JKAMP: variants seen among roughly 807,000 people sequenced by gnomAD.
JKAMP encodes JNK1/MAPK8-associated membrane protein.
A neutral mutation model predicts 40.2 loss-of-function variants in JKAMP; 20 were observed. That is an observed-to-expected ratio of 0.50 (90% CI 0.35 to 0.72). JKAMP has a LOEUF of 0.72. Ranked by LOEUF, JKAMP falls within the 30% of genes least tolerant of loss-of-function variation. The probability of loss-of-function intolerance (pLI) is 0.01; values close to 1 mark genes in which losing one functional copy is unlikely to be tolerated. For synonymous variants in JKAMP, 138 were observed against 131.6 expected (o/e 1.05, Z -0.33); for missense variants, 276 against 373.0 (o/e 0.74, Z 2.14).
intron 1 of JKAMP, chr14:59,484,844 C>T: frequency 1.9e-6 from 2 of 1,054,404 alleles, no homozygotes; most frequent in Non-Finnish European, 2.7e-6. Flanking sequence ...TCCGAAATGT[C>T]TCTTCAGTCC....
intron 6 of JKAMP, among the ~76,000 whole-genome samples, chr14:59,502,773 T>TTGTTTTTTTTTTTTTTTTTTTTTTG (rs796697193): frequency 9.7e-6 from 1 of 102,850 alleles, no homozygotes; most frequent in Admixed American, 1.2e-4. Flanking sequence ...TTTTTTTTTT[T>TTGTTTTTTTTTTTTTTTTTTTTTTG]CGGAGTCTCA....
rs1317326410 is a variant in JKAMP at position 59,484,553 on chromosome 14, G to T, written c.-37G>T. 2.6e-6 allele frequency: 4 copies of T among 1,566,858 alleles called. No individual in the cohort carries two copies. The highest frequency in any genetic ancestry group is 2.7e-5 in the African/African-American group (2 of 73,478). On this transcript the variant is annotated 5_prime_UTR_variant, in exon 1 of 7. Transcript: ENST00000616435. Reference sequence around the variant, plus strand: ...GTTCGGTGCAGCTGCCAGATCCGCTGATCTAGTGCTTCTCGAAAAAAACCT... The same window carrying T: ...GTTCGGTGCAGCTGCCAGATCCGCTTATCTAGTGCTTCTCGAAAAAAACCT...
At chr14:59,494,511 T>G (rs1323316973) in intron 3 of JKAMP, among the ~76,000 whole-genome samples, 4 of 152,200 alleles carry the variant, frequency 2.6e-5, no homozygotes, top group Non-Finnish European at 5.9e-5. Flanking sequence ...AGAATAGTTG[T>G]GAAGCAGAAA....
intron 2 of JKAMP, chr14:59,487,400 C>G (rs1235241855): frequency 4.0e-6 from 1 of 249,846 alleles, no homozygotes; most frequent in Non-Finnish European, 7.6e-6. Flanking sequence ...TGCAGTTATT[C>G]TTATATAATG....
intron 4 of JKAMP, among the ~76,000 whole-genome samples, chr14:59,496,056 A>G (rs148740891): frequency 0.013 from 1,952 of 152,248 alleles, 185 homozygotes; most frequent in Admixed American, 0.12. Context: ...GGCATGTGCC[A>G]CTATGCCTGG....
intron 3 of JKAMP, among the ~76,000 whole-genome samples, chr14:59,488,038 C>T (rs551311791): frequency 1.9e-4 from 29 of 152,236 alleles, no homozygotes; most frequent in Non-Finnish European, 2.9e-5. Flanking sequence ...GTCTGTTTTA[C>T]TCTCAGTGAT....
chr14:59,504,262 ACT>A lies in JKAMP; in HGVS notation c.*193_*194del. The A allele has an allele frequency of 1.7e-6, 1 of 586,828 alleles. No individual in the cohort carries two copies. The highest frequency in any genetic ancestry group is 2.8e-5 in the East Asian group (1 of 35,696). The allele number at this position is 586,828 out of a possible 1,614,324, so 36.4% of individuals were successfully genotyped here. ...CTTGGAAAATGCAAAACTCTGTAAT[ACT>A]CTGTTACACAGGGTAATATTATCTG... On this transcript the variant is annotated 3_prime_UTR_variant, in exon 7 of 7. Transcript: ENST00000616435.
At chr14:59,486,460 G>T (rs1349208626) in intron 1 of JKAMP, among the ~76,000 whole-genome samples, 1 of 152,180 alleles carries the variant, frequency 6.6e-6, no homozygotes, top group African/African-American at 2.4e-5. Context: ...GAGTCCTGGA[G>T]ATAGATCCTG....
chr14:59,486,090 A>G (rs1375003562), intron 1 of JKAMP: 1 of 152,232 alleles, frequency 6.6e-6, no homozygotes, highest in Non-Finnish European at 1.5e-5. Context: ...TCAGGGGCTT[A>G]ATTTTAATGC....
rs1300980889 is a variant in JKAMP, at chr14:59,504,400, A to G, written c.*328A>G. 1 of 250,800 alleles carries G rather than the reference A, an allele frequency of 4.0e-6. No individual in the cohort carries two copies. The highest frequency in any genetic ancestry group is 2.2e-5 in the African/African-American group (1 of 44,812). The allele number at this position is 250,800 out of a possible 1,614,324, so 15.5% of individuals were successfully genotyped here. A position where few individuals can be genotyped will look rare whatever the true frequency, so the allele number is the denominator to read the frequency against. On this transcript the variant is annotated 3_prime_UTR_variant, in exon 7 of 7. Coordinates refer to ENST00000616435, the MANE Select transcript of JKAMP (RefSeq NM_016475.5). Reference sequence around the variant, plus strand: ...GCAATGTGTTCCCATTTTATTAAGAAAAGCTTTAACACGTGTAATCTGCAG... The same window carrying G: ...GCAATGTGTTCCCATTTTATTAAGAGAAGCTTTAACACGTGTAATCTGCAG...
At chr14:59,499,836 T>C (rs1891738130) in intron 5 of JKAMP, among the ~76,000 whole-genome samples, 1 of 152,212 alleles carries the variant, frequency 6.6e-6, no homozygotes, top group African/African-American at 2.4e-5. Context: ...CTGCACAGGA[T>C]TTGAAAATCT....
rs1473135461 is a variant in JKAMP at position 59,498,769 on chromosome 14, A to T, written c.501A>T (p.Leu167Phe). The T allele has an allele frequency of 6.3e-7, 1 of 1,599,370 alleles. No individual in the cohort carries two copies. Among genetic ancestry groups the T allele is most frequent in the Non-Finnish European group, 8.6e-7 (1 of 1,168,354 alleles). ...TCTATTACGCATTCTGCTTGGTATT[A>T]ATGATGCTGCTCCGACCTCTTCTGG... ...VFIYYAFCLV[L>F]MMLLRPLLVK... The change falls in exon 5 of 7, where the codon TTA (leucine) becomes TTT (phenylalanine). Residue 167 changes from leucine to phenylalanine, a missense_variant. Coordinates refer to ENST00000616435, the MANE Select transcript of JKAMP (RefSeq NM_016475.5).
chr14:59,484,562 C>G lies in JKAMP; in HGVS notation c.-28C>G, dbSNP rs1890350611. 1 of 1,570,480 alleles carries G rather than the reference C, an allele frequency of 6.4e-7. No homozygotes were observed. Among genetic ancestry groups the G allele is most frequent in the African/African-American group, 1.4e-5 (1 of 73,722 alleles). On this transcript the variant is annotated 5_prime_UTR_variant, in exon 1 of 7. Transcript: ENST00000616435. ...AGCTGCCAGATCCGCTGATCTAGTG[C>G]TTCTCGAAAAAAACCTTCAGGCGGC...
intron 6 of JKAMP, among the ~76,000 whole-genome samples, chr14:59,502,754 T>TTGTTTTTTTGTTTTTGTTTTTG: frequency 3.4e-5 from 1 of 29,818 alleles, no homozygotes; most frequent in African/African-American, 7.9e-5. Context: ...AATGAGATTT[T>TTGTTTTTTTGTTTTTGTTTTTG]TTTTTTTTTT....
intron 5 of JKAMP, among the ~76,000 whole-genome samples, chr14:59,500,390 GT>G (rs553812261): frequency 3.0e-4 from 46 of 152,082 alleles, no homozygotes; most frequent in Middle Eastern, 3.4e-3. Flanking sequence ...AAAATTCAAA[GT>G]TTTTTTCTCA....
chr14:59,499,174 C>T (rs1350858209), intron 5 of JKAMP, among the ~76,000 whole-genome samples: 1 of 151,630 alleles, frequency 6.6e-6, no homozygotes, highest in African/African-American at 2.4e-5. Context: ...CAGGCATGTG[C>T]CACCACACCC....
At chr14:59,502,936 G>A (rs1236943409) in intron 6 of JKAMP, among the ~76,000 whole-genome samples, 1 of 151,386 alleles carries the variant, frequency 6.6e-6, no homozygotes, top group African/African-American at 2.4e-5. Context: ...GTTTTTAGTA[G>A]ACGGGGTTTC....
chr14:59,494,198 GAAAA>G (rs897154611), intron 3 of JKAMP, among the ~76,000 whole-genome samples: 1 of 149,578 alleles, frequency 6.7e-6, no homozygotes, highest in East Asian at 1.9e-4. Flanking sequence ...CTGCTAAGTA[GAAAA>G]AAAAATAAAA....
intron 4 of JKAMP, chr14:59,495,430 C>T (rs1208618387): frequency 1.8e-5 from 9 of 513,994 alleles, no homozygotes; most frequent in Admixed American, 9.9e-5. Context: ...TATAAGGTGT[C>T]GTGAGGATTA....
Sources: allele counts gnomAD v4.1 joint callset (sites outside exome capture counted in the v4.1 genomes callset), GRCh38; gene constraint gnomAD v4.1.1; transcripts MANE v1.5; gene names NCBI Gene and HGNC (gene_info 2026-07-23, HGNC 2026-07-21).